The following INSR variants were observed in gnomAD, a reference collection of about 807,000 sequenced individuals.
The protein encoded by INSR is insulin receptor.
A neutral mutation model predicts 142.6 loss-of-function variants in INSR; 67 were observed. The observed-to-expected ratio is 0.47, with a 90% CI of 0.39 to 0.58. The LOEUF (loss-of-function observed/expected upper bound fraction) is 0.58. Among genes scored for constraint, INSR ranks in the 20% least tolerant of loss-of-function variants. The probability of loss-of-function intolerance (pLI) is 0.00; values close to 1 mark genes in which losing one functional copy is unlikely to be tolerated. For synonymous variants in INSR, 756 were observed against 743.1 expected (o/e 1.02, Z -0.28); for missense variants, 1,248 against 1,833.2 (o/e 0.68, Z 5.83).
chr19:7,230,986 A>G (rs1297130212), intron 2 of INSR, among the ~76,000 whole-genome samples: 4 of 152,170 alleles, frequency 2.6e-5, no homozygotes, highest in African/African-American at 9.7e-5. Flanking sequence ...GCGTGTCTAC[A>G]GCGGAGCTGC....
intron 1 of INSR, among the ~76,000 whole-genome samples, chr19:7,276,938 C>G (rs1194855269): frequency 1.3e-5 from 2 of 152,078 alleles, no homozygotes; most frequent in Non-Finnish European, 2.9e-5. Flanking sequence ...GCCAAGTTGG[C>G]CAGGCTAGTC....
intron 1 of INSR, among the ~76,000 whole-genome samples, chr19:7,292,672 CA>C (rs1355696297): frequency 1.3e-5 from 2 of 152,102 alleles, no homozygotes; most frequent in African/African-American, 4.8e-5. Context: ...AACAGTAACC[CA>C]ACAGATATTT....
intron 11 of INSR, among the ~76,000 whole-genome samples, chr19:7,144,443 G>A (rs1436072543): frequency 6.6e-6 from 1 of 151,958 alleles, no homozygotes; most frequent in African/African-American, 2.4e-5. Context: ...CACTCTTGTC[G>A]CCCAGGCTGG....
chr19:7,197,324 G>GTGAA (rs1290757285), intron 2 of INSR, among the ~76,000 whole-genome samples: 1 of 151,898 alleles, frequency 6.6e-6, no homozygotes, highest in Non-Finnish European at 1.5e-5. Context: ...CGGAGAGAGA[G>GTGAA]TGAGTGAGTG....
At chr19:7,230,729 A>G (rs1015705733) in intron 2 of INSR, among the ~76,000 whole-genome samples, 2 of 151,338 alleles carry the variant, frequency 1.3e-5, no homozygotes, top group Non-Finnish European at 2.9e-5. Context: ...AATCGCTTGA[A>G]TCCGAGAGGC....
At chr19:7,148,477 C>CTTTTTTTTTTTTTTTTTTTT (rs71177160) in intron 11 of INSR, among the ~76,000 whole-genome samples, 2 of 95,062 alleles carry the variant, frequency 2.1e-5, no homozygotes, top group Non-Finnish European at 3.7e-5. Context: ...TGTATTTATT[C>CTTTTTTTTTTTTTTTTTTTT]TTTTTTTTTT....
chr19:7,269,804 T>G (rs1967861318), intron 1 of INSR, among the ~76,000 whole-genome samples: 1 of 152,182 alleles, frequency 6.6e-6, no homozygotes, highest in South Asian at 2.1e-4. Context: ...CTGGCAGGGT[T>G]GCCAGACTTA....
At chr19:7,151,093 CCCT>C (rs1430840915) in intron 10 of INSR, among the ~76,000 whole-genome samples, 1 of 146,274 alleles carries the variant, frequency 6.8e-6, no homozygotes, top group South Asian at 2.2e-4. Context: ...TTCCTTCCTT[CCCT>C]CCTCTCTCCC....
intron 2 of INSR, among the ~76,000 whole-genome samples, chr19:7,202,988 G>GTTTT (rs1385976583): frequency 6.5e-5 from 7 of 108,278 alleles, no homozygotes; most frequent in Non-Finnish European, 1.2e-4. Context: ...TTGGGGTGGG[G>GTTTT]TTTTGTTGTT....
chr19:7,275,701 C>A (rs1391637815), intron 1 of INSR, among the ~76,000 whole-genome samples: 1 of 151,452 alleles, frequency 6.6e-6, no homozygotes, highest in African/African-American at 2.4e-5. Context: ...GCAGGAGAAT[C>A]GCTTGAACCT....
At chr19:7,248,739 T>TC (rs1976610088) in intron 2 of INSR, among the ~76,000 whole-genome samples, 1 of 146,326 alleles carries the variant, frequency 6.8e-6, no homozygotes, top group South Asian at 2.1e-4. Context: ...CCTGGACTAT[T>TC]CCCGGTTGGC....
At chr19:7,236,920 G>C (rs1022842101) in intron 2 of INSR, among the ~76,000 whole-genome samples, 1 of 151,192 alleles carries the variant, frequency 6.6e-6, no homozygotes, top group African/African-American at 2.4e-5. Context: ...CCAGCTACTC[G>C]GGAGGCTGAG....
At chr19:7,233,668 CTTTTTTTTT>C (rs35763064) in intron 2 of INSR, among the ~76,000 whole-genome samples, 2 of 72,408 alleles carry the variant, frequency 2.8e-5, no homozygotes, top group African/African-American at 1.1e-4. Flanking sequence ...CTTTTTCTGT[CTTTTTTTTT>C]TTTTTTTTTT....
At chr19:7,153,136 C>A (rs1447076982) in intron 9 of INSR, among the ~76,000 whole-genome samples, 1 of 7,970 alleles carries the variant, frequency 1.3e-4, no homozygotes, top group African/African-American at 2.4e-4. Context: ...ACACCACACA[C>A]CACACACACC....
chr19:7,230,785 G>C (rs1196882465), intron 2 of INSR, among the ~76,000 whole-genome samples: 1 of 146,936 alleles, frequency 6.8e-6, no homozygotes, highest in Non-Finnish European at 1.5e-5. Flanking sequence ...TCCAGCCTGG[G>C]TGACAGTGAG....
chr19:7,244,931 C>CTT (rs370936908), intron 2 of INSR, among the ~76,000 whole-genome samples: 54 of 88,024 alleles, frequency 6.1e-4, no homozygotes, highest in Non-Finnish European at 8.0e-4. Flanking sequence ...TTTGTTTTTG[C>CTT]TTTTTTTTTT....
chr19:7,292,075 G>A (rs1392357985), intron 1 of INSR, among the ~76,000 whole-genome samples: 7 of 137,210 alleles, frequency 5.1e-5, no homozygotes, highest in Admixed American at 4.1e-4. Flanking sequence ...TTACAAGCGT[G>A]AGCCACCACG....
chr19:7,226,413 GAA>G (rs71177176), intron 2 of INSR, among the ~76,000 whole-genome samples: 83,165 of 89,692 alleles, frequency 0.93, 38,686 homozygotes, highest in Non-Finnish European at 0.97. Context: ...CGTCTCAAGG[GAA>G]AAAAAAAAAA....
chr19:7,254,756 C>T (rs986316248), intron 2 of INSR, among the ~76,000 whole-genome samples: 19 of 152,140 alleles, frequency 1.2e-4, no homozygotes, highest in South Asian at 2.1e-4. Context: ...GGGTCCTCCC[C>T]GGGGCATTTC....
Sources: allele counts gnomAD v4.1 joint callset (sites outside exome capture counted in the v4.1 genomes callset), GRCh38; gene constraint gnomAD v4.1.1; transcripts MANE v1.5; gene names NCBI Gene and HGNC (gene_info 2026-07-23, HGNC 2026-07-21).